Variants in EXOC3L2 observed in about 807,000 individuals in gnomAD.
The protein encoded by EXOC3L2 is exocyst complex component 3-like protein 2.
A neutral mutation model predicts 44.4 loss-of-function variants in EXOC3L2; 17 were observed. The ratio of observed to expected loss-of-function variants is 0.38; its 90% CI spans 0.26 to 0.57. EXOC3L2 has a LOEUF of 0.57. EXOC3L2 is among the 20% of genes least tolerant of loss of function. EXOC3L2 has a pLI of 0.65. For missense variants in EXOC3L2, 541 were observed against 588.4 expected (o/e 0.92, Z 0.83); for synonymous variants, 256 against 253.7 (o/e 1.01, Z -0.09).
intron 11 of EXOC3L2, among the ~76,000 whole-genome samples, chr19:45,214,335 T>C (rs904372276): frequency 6.6e-6 from 1 of 152,182 alleles, no homozygotes; most frequent in Non-Finnish European, 1.5e-5. Context: ...TCTGAGAATG[T>C]GTCTGCCCAA....
intron 7 of EXOC3L2, 22 bp from the exon 8 acceptor site, chr19:45,224,935 A>G (rs199986766): frequency 3.4e-4 from 507 of 1,497,022 alleles, no homozygotes; most frequent in Non-Finnish European, 4.0e-4. Flanking sequence ...AACAGAGCCA[A>G]AACTGAGGGA....
chr19:45,221,752 A>T (rs1969901060), intron 8 of EXOC3L2, among the ~76,000 whole-genome samples: 1 of 146,724 alleles, frequency 6.8e-6, no homozygotes, highest in Non-Finnish European at 1.5e-5. Context: ...GGATCAAGCG[A>T]TCCTCCCACT....
In EXOC3L2 at chr19:45,238,991, T is replaced by A. The variant is rs544743999; in HGVS notation, c.55A>T (p.Thr19Ser). The A allele has an allele frequency of 4.9e-4, 194 of 398,842 alleles. 1 individual carries two copies. In the Middle Eastern group the frequency reaches 6.9e-3, roughly 14 times the overall value. 24.7% of individuals were successfully genotyped at this position (398,842 alleles called of 1,614,324 possible). A position where few individuals can be genotyped will look rare whatever the true frequency, so the allele number is the denominator to read the frequency against. Residue 19 changes from threonine (T) to serine (S), a missense_variant, in exon 2 of 12, where the codon ACC becomes TCC. By Grantham distance (58) the Thr-to-Ser change is moderately conservative. Coordinates refer to ENST00000413988, the MANE Select transcript of EXOC3L2 (RefSeq NM_001382422.1). This position sits in a 1 kb window ranked among gnomAD's most constrained non-coding sequence, Gnocchi z 5.5. ...TTCCGAGAGGACCTCAGGGGCAGGG[T>A]CCCCGCCCGGGGCACCTTAGGGTCT... ...VSDPKVPRAG[T>S]LPLRSSRNPF...
rs1336319689 is a variant in EXOC3L2 at position 45,223,540 on chromosome 19, G to A, written c.1719+1238C>T. ...GTAATTTTAGTAGAGACGGGGTTTT[G>A]CCATATTGGCCAGGCTGGTCTCAAA... On this transcript the variant is annotated intron_variant, in intron 8 of 11. Transcript: ENST00000413988. Among the ~76,000 whole-genome samples, 4 of 151,394 alleles carry A rather than the reference G, an allele frequency of 2.6e-5. No homozygotes were observed. In the East Asian group the frequency reaches 6.1e-4, roughly 23 times the overall value.
rs1252251101 is a variant in EXOC3L2 at position 45,215,120 on chromosome 19, G to A, written c.2120+953C>T. On this transcript the variant is annotated intron_variant, in intron 11 of 11. Transcript: ENST00000413988. Reference sequence around the variant, plus strand: ...GAGATCACTGCACTTCAGCCTGGGCGACAAAGTGAGACTCTGTCTCAAAAA... The same window carrying A: ...GAGATCACTGCACTTCAGCCTGGGCAACAAAGTGAGACTCTGTCTCAAAAA... Among the ~76,000 whole-genome samples the A allele has an allele frequency of 8.6e-5, 13 of 151,894 alleles. No homozygotes were observed. The East Asian group carries it at 1.7e-3, about 20-fold the overall frequency.
At chr19:45,244,288 C>A (rs886914680) in intron 1 of EXOC3L2, among the ~76,000 whole-genome samples, 17 of 152,098 alleles carry the variant, frequency 1.1e-4, no homozygotes, top group African/African-American at 4.1e-4. Flanking sequence ...CATCATCCCC[C>A]CTCCACCCCA....
In EXOC3L2 at chr19:45,227,728, C is replaced by T. The variant is rs146408436; in HGVS notation, c.1517G>A (p.Arg506Gln). 1.7e-5 allele frequency: 27 copies of T among 1,612,998 alleles called. No homozygotes were observed. The highest frequency in any genetic ancestry group is 3.3e-4 in the Middle Eastern group (2 of 6,082). ...GATATAGGTGTCAGGTAGCATCTCC[C>T]GGACTGCTGGGTTCTCATGGAATCG... is the stretch of plus-strand genomic sequence containing the variant. The part of the protein sequence containing the change: ...VERFHENPAV[R>Q]EMLPDTYISK... The change falls in exon 7 of 12, where the codon CGG becomes CAG. Residue 506 changes from arginine (R) to glutamine (Q), a missense_variant. Physicochemically the swap from Arg to Gln is conservative, Grantham distance 43. Transcript: ENST00000413988.
chr19:45,234,754 G>A lies in EXOC3L2; in HGVS notation c.596C>T (p.Ala199Val), dbSNP rs1970066397. The change falls in exon 3 of 12, where the codon GCC (alanine) becomes GTC (valine). Residue 199 changes from alanine to valine, a missense_variant. By Grantham distance (64) the Ala-to-Val change is moderately conservative. Coordinates refer to ENST00000413988, the MANE Select transcript of EXOC3L2 (RefSeq NM_001382422.1). The surrounding 1 kb of genome is among the most constrained non-coding windows in gnomAD (Gnocchi z 5.0). ...RADEHILELE[A>V]EELAPSRGGA... ...GCCCCTCGACGGCGCCAGCTCCTCGGCCTCTAGCTCCAGGATGTGCTCGTC... is the reference window on the plus strand; with the variant it reads ...GCCCCTCGACGGCGCCAGCTCCTCGACCTCTAGCTCCAGGATGTGCTCGTC... 1.3e-5 allele frequency: 5 copies of A among 395,770 alleles called. No homozygotes were observed. The Admixed American group carries it at 1.3e-4, about 10-fold the overall frequency. The allele number at this position is 395,770 out of a possible 1,614,324, so 24.5% of individuals were successfully genotyped here. A position where few individuals can be genotyped will look rare whatever the true frequency, so the allele number is the denominator to read the frequency against.
At chr19:45,237,370 A>G (rs112177904) in intron 2 of EXOC3L2, among the ~76,000 whole-genome samples, 10,502 of 151,924 alleles carry the variant, frequency 0.069, 1,223 homozygotes, top group African/African-American at 0.24. Context: ...GTGTGATCAT[A>G]TGTGCCTGTA....
At chr19:45,223,923 G>A (rs956631563) in intron 8 of EXOC3L2, among the ~76,000 whole-genome samples, 1 of 152,054 alleles carries the variant, frequency 6.6e-6, no homozygotes, top group Non-Finnish European at 1.5e-5. Context: ...GAACCTGGGA[G>A]GCAGAGGTTG....
At position 45,217,556 on chromosome 19, in the gene EXOC3L2, G is replaced by C; in HGVS notation, c.1970C>G (p.Ala657Gly). Residue 657 changes from alanine to glycine, a missense_variant, in exon 10 of 12, where the codon GCG (alanine) becomes GGG (glycine). Coordinates refer to ENST00000413988, the MANE Select transcript of EXOC3L2 (RefSeq NM_001382422.1). ...RVAGRLREDA[A>G]QLQRLFRRLE... ...CCGCCGGAACAGCCTCTGCAGTTGC[G>C]CCGCGTCCTCCCGGAGCCTGCCGGC... 1 of 1,569,206 alleles carries C rather than the reference G, an allele frequency of 6.4e-7. No individual in the cohort carries two copies. Among genetic ancestry groups the C allele is most frequent in the South Asian group, 1.2e-5 (1 of 86,486 alleles).
chr19:45,240,483 G>C (rs1171438346), intron 1 of EXOC3L2, among the ~76,000 whole-genome samples: 1 of 152,142 alleles, frequency 6.6e-6, no homozygotes, highest in African/African-American at 2.4e-5. Flanking sequence ...GGAATGGCGA[G>C]TGGCTGCTAA....
rs1315739788 is a variant in EXOC3L2, at chr19:45,217,512, G to A, written c.1998+16C>T. ...CCTGGTTTCTGAAACACCCCCAACC[G>A]CGTCCCGACACTGACCAGCCGCCGG... is the stretch of plus-strand genomic sequence containing the variant. On this transcript the variant is annotated intron_variant, in intron 10 of 11. Coordinates refer to ENST00000413988, the MANE Select transcript of EXOC3L2 (RefSeq NM_001382422.1). 3.2e-6 allele frequency: 5 copies of A among 1,564,722 alleles called. No individual in the cohort carries two copies. The highest frequency in any genetic ancestry group is 1.2e-5 in the South Asian group (1 of 85,984).
At chr19:45,228,130 T>C in intron 5 of EXOC3L2, 35 bp downstream of exon 5, 1 of 1,613,742 alleles carries the variant, frequency 6.2e-7, no homozygotes, top group South Asian at 1.1e-5. Context: ...CCACTTTCCA[T>C]CCAGCCCATC....
At chr19:45,241,796 A>G (rs952782971) in intron 1 of EXOC3L2, among the ~76,000 whole-genome samples, 1 of 151,948 alleles carries the variant, frequency 6.6e-6, no homozygotes, top group African/African-American at 2.4e-5. Context: ...TCAGGCTCCC[A>G]GTCCCTGGGT....
Position 45,218,255 on chromosome 19 carries a change from A to G in EXOC3L2, c.1784T>C (p.Val595Ala). 1 of 1,547,468 alleles carries G rather than the reference A, an allele frequency of 6.5e-7. No homozygotes were observed. The highest frequency in any genetic ancestry group is 8.7e-7 in the Non-Finnish European group (1 of 1,145,260). Residue 595 changes from valine to alanine, a missense_variant, in exon 9 of 12, where the codon GTG becomes GCG. By Grantham distance (64) the Val-to-Ala change is moderately conservative (BLOSUM62 0). Transcript: ENST00000413988. The part of the protein sequence containing the change: ...LSSPEALDGI[V>A]GTLGAQALAL... ...CAGGGCCTGGGCACCCAGCGTGCCC[A>G]CGATGCCATCCAGGGCCTCCGGGCT...
In EXOC3L2 at chr19:45,238,027, A is replaced by G. The variant is rs564276136; in HGVS notation, c.523+496T>C. ...GTGGCACATGCCTGTAATATCAGCT[A>G]CTCGGGAGGCTGAGGCAGGAGAATT... On this transcript the variant is annotated intron_variant, in intron 2 of 11. Coordinates refer to ENST00000413988, the MANE Select transcript of EXOC3L2 (RefSeq NM_001382422.1). The surrounding 1 kb of genome is among the most constrained non-coding windows in gnomAD (Gnocchi z 5.5). Among the ~76,000 whole-genome samples, 2 of 152,188 alleles carry G rather than the reference A, an allele frequency of 1.3e-5. No individual in the cohort carries two copies. Among genetic ancestry groups the G allele is most frequent in the East Asian group, 3.9e-4 (2 of 5,180 alleles).
In EXOC3L2 at chr19:45,213,203, G is replaced by A. The variant is rs778606014; in HGVS notation, c.2275C>T (p.Pro759Ser). 4 of 1,610,512 alleles carry A rather than the reference G, an allele frequency of 2.5e-6. No individual in the cohort carries two copies. Among genetic ancestry groups the A allele is most frequent in the Non-Finnish European group, 3.4e-6 (4 of 1,178,296 alleles). ...DRAFFADIPV[P>S]RPSFCLSLPL... ...AGGCTGAGACAGAAAGATGGGCGGG[G>A]CACAGGGATGTCTGCAAAGAAGGCA... The change falls in exon 12 of 12, where the codon CCC becomes TCC. Residue 759 changes from proline (P) to serine (S), a missense_variant. Physicochemically the swap from Pro to Ser is moderately conservative, Grantham distance 74. Transcript: ENST00000413988.
intron 2 of EXOC3L2, among the ~76,000 whole-genome samples, chr19:45,235,992 C>A (rs915289369): frequency 6.6e-6 from 1 of 151,260 alleles, no homozygotes; most frequent in Admixed American, 6.6e-5. Context: ...GGGGATAGGG[C>A]CGGAGGTGAG....
Sources: allele counts gnomAD v4.1 joint callset (sites outside exome capture counted in the v4.1 genomes callset), GRCh38; gene constraint gnomAD v4.1.1; non-coding constraint Gnocchi (gnomAD v3.1); transcripts MANE v1.5; gene names NCBI Gene and HGNC (gene_info 2026-07-23, HGNC 2026-07-21).